The following GRIK2 variants were observed in gnomAD, a reference collection of about 807,000 sequenced individuals.
GRIK2 encodes the protein glutamate ionotropic receptor kainate type subunit 2.
GRIK2 carries 32 observed loss-of-function variants against 100.3 expected under a neutral mutation model. The ratio of observed to expected loss-of-function variants is 0.32; its 90% confidence interval spans 0.24 to 0.43. GRIK2 has a LOEUF of 0.43. Ranked by LOEUF, GRIK2 falls within the 20% of genes least tolerant of loss-of-function variation. The pLI is 1.00. For missense variants in GRIK2, 843 were observed against 1,114.9 expected, an observed-to-expected ratio of 0.76 and a Z score of 3.47; for synonymous variants, 417 against 389.4, an observed-to-expected ratio of 1.07 and a Z score of -0.83.
intron 7 of GRIK2, among the ~76,000 whole-genome samples, chr6:101,733,609 TTCTC>T (rs752665961): frequency 6.6e-6 from 1 of 151,648 alleles, no homozygotes; most frequent in Non-Finnish European, 1.5e-5. Context: ...AGAACAAGCT[TTCTC>T]TCTCTCTCTG....
At chr6:101,838,668 T>G (rs62419288) in intron 10 of GRIK2, among the ~76,000 whole-genome samples, 1 of 151,870 alleles carries the variant, frequency 6.6e-6, no homozygotes, top group Non-Finnish European at 1.5e-5. Flanking sequence ...TTTTTTTTTT[T>G]GAGACGGAGA....
chr6:101,504,280 A>G (rs1037781445), intron 2 of GRIK2, among the ~76,000 whole-genome samples: 5 of 152,070 alleles, frequency 3.3e-5, no homozygotes, highest in Non-Finnish European at 5.9e-5. Context: ...TATTACACTC[A>G]AGTATCAGGA....
At chr6:102,022,880 T>C (rs2114372436) in intron 14 of GRIK2, among the ~76,000 whole-genome samples, 1 of 151,710 alleles carries the variant, frequency 6.6e-6, no homozygotes, top group African/African-American at 2.4e-5. Flanking sequence ...CCATGTTTTC[T>C]ATCTTAAGAG....
chr6:101,659,931 TC>T (rs1769486492), intron 4 of GRIK2, among the ~76,000 whole-genome samples: 1 of 152,148 alleles, frequency 6.6e-6, no homozygotes, highest in Admixed American at 6.5e-5. Context: ...CCTTGGTGAA[TC>T]TGACGATTAT....
intron 14 of GRIK2, among the ~76,000 whole-genome samples, chr6:102,001,128 T>C (rs1167438542): frequency 6.6e-6 from 1 of 151,802 alleles, no homozygotes; most frequent in African/African-American, 2.4e-5. Flanking sequence ...AATTAGTTAA[T>C]CAAAAACCCA....
chr6:101,569,134 C>T (rs2128298398), intron 2 of GRIK2, among the ~76,000 whole-genome samples: 1 of 152,062 alleles, frequency 6.6e-6, no homozygotes, highest in Admixed American at 6.6e-5. Flanking sequence ...AAAATCATAG[C>T]TTTGTTATTC....
intron 7 of GRIK2, among the ~76,000 whole-genome samples, chr6:101,719,468 T>G (rs548801219): frequency 1.3e-5 from 2 of 151,644 alleles, no homozygotes; most frequent in South Asian, 4.2e-4. Context: ...TAACACCCAA[T>G]GGGAGAAAGA....
intron 10 of GRIK2, among the ~76,000 whole-genome samples, chr6:101,856,525 G>T (rs1198985180): frequency 6.6e-6 from 1 of 151,958 alleles, no homozygotes; most frequent in African/African-American, 2.4e-5. Context: ...TCAGAAAAAA[G>T]TAGGAATAAA....
intron 7 of GRIK2, among the ~76,000 whole-genome samples, chr6:101,698,043 T>A (rs949136277): frequency 6.6e-6 from 1 of 152,124 alleles, no homozygotes; most frequent in African/African-American, 2.4e-5. Context: ...TGAATAAGAA[T>A]GCAACTGTGT....
intron 2 of GRIK2, 49 bp from the exon 3 acceptor site, chr6:101,621,900 T>A (rs764165408): frequency 1.6e-6 from 2 of 1,281,300 alleles, no homozygotes; most frequent in Non-Finnish European, 2.3e-6. Flanking sequence ...CTTGTGAAAA[T>A]TATGTTTATT....
chr6:101,712,099 T>C (rs758343600), intron 7 of GRIK2, among the ~76,000 whole-genome samples: 15 of 151,822 alleles, frequency 9.9e-5, no homozygotes, highest in African/African-American at 1.7e-4. Flanking sequence ...AATTAGAACT[T>C]TTAATTATAA....
chr6:101,733,490 C>A (rs182081356), intron 7 of GRIK2, among the ~76,000 whole-genome samples: 25 of 152,206 alleles, frequency 1.6e-4, no homozygotes, highest in African/African-American at 6.0e-4. Flanking sequence ...GTGTTGCTGG[C>A]ATAATCCTGT....
At chr6:101,589,669 C>T (rs942090552) in intron 2 of GRIK2, among the ~76,000 whole-genome samples, 1 of 152,080 alleles carries the variant, frequency 6.6e-6, no homozygotes, top group South Asian at 2.1e-4. Context: ...ATGTTGAGAA[C>T]ATTTACACCT....
intron 2 of GRIK2, among the ~76,000 whole-genome samples, chr6:101,581,309 C>CATATGT (rs998965245): frequency 5.5e-5 from 8 of 146,404 alleles, no homozygotes; most frequent in Non-Finnish European, 1.1e-4. Flanking sequence ...TGTGTATATA[C>CATATGT]ATATGTATAT....
intron 14 of GRIK2, among the ~76,000 whole-genome samples, chr6:102,012,999 G>A (rs566657558): frequency 6.6e-6 from 1 of 152,254 alleles, no homozygotes; most frequent in South Asian, 2.1e-4. Context: ...GATCAGAAGA[G>A]CATGAATCTG....
intron 2 of GRIK2, among the ~76,000 whole-genome samples, chr6:101,547,278 C>T (rs1168321508): frequency 6.6e-6 from 1 of 151,826 alleles, no homozygotes; most frequent in Non-Finnish European, 1.5e-5. Flanking sequence ...AATTGCGAAC[C>T]TATAATAGTC....
intron 14 of GRIK2, among the ~76,000 whole-genome samples, chr6:102,010,112 C>T (rs948047394): frequency 2.2e-4 from 34 of 152,132 alleles, no homozygotes; most frequent in Admixed American, 7.2e-4. Flanking sequence ...AACACACATG[C>T]GCAATCTCTC....
chr6:101,895,238 G>T (rs950877104), intron 12 of GRIK2, among the ~76,000 whole-genome samples: 3 of 151,640 alleles, frequency 2.0e-5, no homozygotes, highest in Non-Finnish European at 4.4e-5. Flanking sequence ...TAAGTTAAAA[G>T]AATATAGGAA....
At chr6:102,027,729 A>G (rs777077089) in intron 14 of GRIK2, among the ~76,000 whole-genome samples, 4 of 151,074 alleles carry the variant, frequency 2.6e-5, no homozygotes, top group Non-Finnish European at 5.9e-5. Context: ...TTAGACAGTC[A>G]GGTTCATAAA....
Sources: gnomAD v4.1 joint callset for allele counts (sites outside exome capture counted in the v4.1 genomes callset) on GRCh38, gnomAD v4.1.1 for gene constraint, MANE v1.5 for transcripts, NCBI Gene and HGNC (gene_info 2026-07-23, HGNC 2026-07-21) for gene names.